ALDH7A1: variants seen among roughly 807,000 people sequenced by gnomAD.
ALDH7A1 encodes the protein aldehyde dehydrogenase 7 family member A1, also known as alpha-aminoadipic semialdehyde dehydrogenase.
ALDH7A1 carries 63 observed loss-of-function variants against 79.9 expected under a neutral mutation model. That is an observed-to-expected ratio of 0.79 (90% CI 0.64 to 0.97). The LOEUF is 0.97. ALDH7A1 is among the 50% of genes least tolerant of loss of function. The probability of loss-of-function intolerance (pLI) is 0.00; values close to 1 mark genes in which losing one functional copy is unlikely to be tolerated. For synonymous variants in ALDH7A1, 240 were observed against 231.2 expected (o/e 1.04, Z -0.34); for missense variants, 627 against 665.2 (o/e 0.94, Z 0.63).
intron 5 of ALDH7A1, among the ~76,000 whole-genome samples, chr5:126,579,874 T>A (rs1200647632): frequency 6.6e-6 from 1 of 152,150 alleles, no homozygotes; most frequent in East Asian, 1.9e-4. Context: ...GTGGAAAGAT[T>A]GCTTGAGTCC....
At chr5:126,591,333 T>C (rs1439787777) in intron 3 of ALDH7A1, among the ~76,000 whole-genome samples, 1 of 151,798 alleles carries the variant, frequency 6.6e-6, no homozygotes, top group Non-Finnish European at 1.5e-5. Flanking sequence ...TATCCATAAT[T>C]AAAGTAGAGG....
chr5:126,582,247 T>A lies in ALDH7A1; in HGVS notation c.517+604A>T, dbSNP rs1751202668. On this transcript the variant is annotated intron_variant, in intron 5 of 17. Transcript: ENST00000409134. ...ATGGGGGTAGGAGGGAAACTTTTAATCCTTCAACCTTTTATTGCTTTCTTA... is the reference window on the plus strand; with the variant it reads ...ATGGGGGTAGGAGGGAAACTTTTAAACCTTCAACCTTTTATTGCTTTCTTA... 1.0e-5 allele frequency: 4 copies of A among 397,220 alleles called. No homozygotes were observed. The South Asian group carries it at 5.4e-4, about 53-fold the overall frequency. The allele number at this position is 397,220 out of a possible 1,614,324, so 24.6% of individuals were successfully genotyped here.
rs199653162 is a variant in ALDH7A1, at chr5:126,582,945, C to G, written c.423G>C (p.Val141=). The G allele has an allele frequency of 6.2e-5, 100 of 1,613,940 alleles. No individual in the cohort carries two copies. In the East Asian group the frequency reaches 2.2e-3, roughly 36 times the overall value. Residue 141 remains valine (V), a synonymous_variant, in exon 5 of 18, where the codon GTG becomes GTC. Coordinates refer to ENST00000409134, the MANE Select transcript of ALDH7A1 (RefSeq NM_001182.5). ...LVSLEMGKIL[V]EGVGEVQEYV... is the part of the protein sequence containing the mutation. Reference sequence around the variant, plus strand: ...ACTCCTGAACTTCACCCACACCTTCCACTAAGATTTTCCCCATCTCCAAAG... The same window carrying G: ...ACTCCTGAACTTCACCCACACCTTCGACTAAGATTTTCCCCATCTCCAAAG...
intron 7 of ALDH7A1, chr5:126,571,270 G>C (rs1750764125): frequency 7.9e-6 from 2 of 253,554 alleles, no homozygotes; most frequent in Non-Finnish European, 1.5e-5. Flanking sequence ...TTGAGGTGAG[G>C]AGTTCAACAC....
At chr5:126,568,872 T>G in intron 8 of ALDH7A1, 1 of 167,304 alleles carries the variant, frequency 6.0e-6, no homozygotes, top group Non-Finnish European at 1.3e-5. Context: ...TGAGCTGAGG[T>G]CAAGCCACTG....
At chr5:126,566,871 CTTT>C (rs1455459587) in intron 9 of ALDH7A1, among the ~76,000 whole-genome samples, 1 of 150,802 alleles carries the variant, frequency 6.6e-6, no homozygotes, top group Non-Finnish European at 1.5e-5. Flanking sequence ...CATTTTTCTT[CTTT>C]AATTTGCCAA....
At chr5:126,561,012 G>T in intron 10 of ALDH7A1, 71 bp downstream of exon 10, 1 of 1,533,250 alleles carries the variant, frequency 6.5e-7, no homozygotes, top group South Asian at 1.1e-5. Flanking sequence ...TCCCAAACAA[G>T]TTCCATATAT....
In ALDH7A1 at chr5:126,577,076, T is replaced by C; in HGVS notation, c.650+3A>G. On this transcript the variant is annotated splice_donor_region_variant and intron_variant, in intron 6 of 17. Coordinates refer to ENST00000409134, the MANE Select transcript of ALDH7A1 (RefSeq NM_001182.5). ...ACTAAATAGGAAAGTGAGCAGGTCTTACCAGAGGCAGACATTTCCACAGAT... is the reference window on the plus strand; with the variant it reads ...ACTAAATAGGAAAGTGAGCAGGTCTCACCAGAGGCAGACATTTCCACAGAT... The C allele has an allele frequency of 6.2e-7, 1 of 1,613,940 alleles. No homozygotes were observed. The highest frequency in any genetic ancestry group is 8.5e-7 in the Non-Finnish European group (1 of 1,180,040).
chr5:126,583,963 A>G lies in ALDH7A1; in HGVS notation c.362T>C (p.Leu121Ser), dbSNP rs145329188. The change falls in exon 4 of 18, where the codon TTG becomes TCG. Residue 121 changes from leucine to serine, a missense_variant. Transcript: ENST00000409134. ...TCCTAGTACTTGGATCTTCTCCCGC[A>G]AGGCATCGCCAATCTGTCTTACTAT... Reference protein sequence around the residue: ...GEIVRQIGDALREKIQVLGSL... With the variant: ...GEIVRQIGDASREKIQVLGSL... 1.2e-6 allele frequency: 2 copies of G among 1,614,090 alleles called. No individual in the cohort carries two copies. Among genetic ancestry groups the G allele is most frequent in the Non-Finnish European group, 1.7e-6 (2 of 1,180,042 alleles).
At chr5:126,558,647 C>T (rs1041948465) in intron 11 of ALDH7A1, among the ~76,000 whole-genome samples, 1 of 152,114 alleles carries the variant, frequency 6.6e-6, no homozygotes, top group African/African-American at 2.4e-5. Context: ...CCTCAGCCTC[C>T]CAAGTAGCTG....
intron 14 of ALDH7A1, among the ~76,000 whole-genome samples, chr5:126,550,765 G>C (rs1327391738): frequency 6.6e-6 from 1 of 152,130 alleles, no homozygotes; most frequent in African/African-American, 2.4e-5. Flanking sequence ...ATATTCTCTA[G>C]TCCCCATACG....
intron 2 of ALDH7A1, among the ~76,000 whole-genome samples, 174 bp downstream of exon 2, chr5:126,593,177 G>C (rs572343741): frequency 6.6e-6 from 1 of 152,260 alleles, no homozygotes; most frequent in South Asian, 2.1e-4. Context: ...CCCCCAGACA[G>C]TCCTAAATGA....
rs121912707 is a variant in ALDH7A1, at chr5:126,552,059, C to G, written c.1279G>C (p.Glu427Gln). Residue 427 changes from glutamate (E) to glutamine (Q), a missense_variant, in exon 14 of 18, where the codon GAG (glutamate) becomes CAG (glutamine). Transcript: ENST00000409134. Reference sequence around the variant, plus strand: ...ACATAGAGAATCGGAGCAAAAGTCTCTGTGTGTGCAATGGACGCATCGTGG... The same window carrying G: ...ACATAGAGAATCGGAGCAAAAGTCTGTGTGTGTGCAATGGACGCATCGTGG... The part of the protein sequence containing the change: ...LGHDASIAHT[E>Q]TFAPILYVFK... The G allele has an allele frequency of 5.1e-4, 828 of 1,613,960 alleles. No homozygotes were observed. The highest frequency in any genetic ancestry group is 6.6e-4 in the Non-Finnish European group (777 of 1,179,994).
intron 11 of ALDH7A1, among the ~76,000 whole-genome samples, chr5:126,558,630 C>G (rs1750288673): frequency 6.6e-6 from 1 of 152,042 alleles, no homozygotes; most frequent in Non-Finnish European, 1.5e-5. Context: ...CTCAATCAAT[C>G]CTCCTGCCTC....
At chr5:126,569,171 G>A (rs1446926535) in intron 8 of ALDH7A1, 9 of 152,232 alleles carry the variant, frequency 5.9e-5, no homozygotes, top group African/African-American at 2.2e-4. Context: ...ATTGTGAGCT[G>A]TGCATGCAAG....
At chr5:126,578,575 G>A (rs1382846966) in intron 5 of ALDH7A1, among the ~76,000 whole-genome samples, 1 of 148,038 alleles carries the variant, frequency 6.8e-6, no homozygotes, top group African/African-American at 2.6e-5. Context: ...GGGTATTGAG[G>A]CTGAAGTGAC....
chr5:126,583,119 A>C, intron 4 of ALDH7A1, 145 bp from the exon 5 acceptor site: 1 of 1,022,090 alleles, frequency 9.8e-7, no homozygotes, highest in Non-Finnish European at 1.5e-6. Flanking sequence ...ATTTTAAAAC[A>C]CAACAATTGC....
chr5:126,573,335 C>G (rs1345345150), intron 7 of ALDH7A1, among the ~76,000 whole-genome samples: 1 of 150,422 alleles, frequency 6.6e-6, no homozygotes, highest in African/African-American at 2.5e-5. Context: ...CCGAGGCAGG[C>G]AGATGACTTG....
intron 3 of ALDH7A1, 144 bp from the exon 4 acceptor site, chr5:126,584,156 G>A (rs1751275870): frequency 2.7e-6 from 2 of 731,724 alleles, no homozygotes; most frequent in African/African-American, 1.8e-5. Flanking sequence ...ATATGGCCAG[G>A]CACTGGAGCC....
Sources: allele counts gnomAD v4.1 joint callset (sites outside exome capture counted in the v4.1 genomes callset), GRCh38; gene constraint gnomAD v4.1.1; transcripts MANE v1.5; gene names NCBI Gene and HGNC (gene_info 2026-07-23, HGNC 2026-07-21).